The following THSD7B variants were observed in gnomAD, a reference collection of about 807,000 sequenced individuals.
THSD7B encodes thrombospondin type 1 domain containing 7B.
Under a neutral mutation model 213.6 loss-of-function variants are expected in THSD7B, and 138 were observed. The observed-to-expected ratio is 0.65, with a 90% CI of 0.56 to 0.74. The LOEUF is 0.74. Among genes scored for constraint, THSD7B ranks in the 30% least tolerant of loss-of-function variants. The probability of loss-of-function intolerance (pLI) is 0.00; values close to 1 mark genes in which losing one functional copy is unlikely to be tolerated. For missense variants in THSD7B, 1,931 were observed against 1,991.5 expected, an observed-to-expected ratio of 0.97 and a Z score of 0.58; for synonymous variants, 742 against 687.0, an observed-to-expected ratio of 1.08 and a Z score of -1.25.
intron 14 of THSD7B, among the ~76,000 whole-genome samples, chr2:137,412,755 T>C (rs1031858259): frequency 6.6e-6 from 1 of 151,866 alleles, no homozygotes; most frequent in South Asian, 2.1e-4. Flanking sequence ...TGAACCTTAA[T>C]TGGGAGAATT....
At chr2:137,587,469 ATC>A (rs941168625) in intron 17 of THSD7B, among the ~76,000 whole-genome samples, 1 of 152,076 alleles carries the variant, frequency 6.6e-6, no homozygotes, top group African/African-American at 2.4e-5. Context: ...TTGTGGTTTT[ATC>A]TACCTTTGGT....
At chr2:137,405,056 A>G (rs1271220500) in intron 12 of THSD7B, among the ~76,000 whole-genome samples, 1 of 152,092 alleles carries the variant, frequency 6.6e-6, no homozygotes, top group Non-Finnish European at 1.5e-5. Flanking sequence ...TGAATAGACT[A>G]TGCTTGTGCT....
chr2:137,659,756 G>A lies in THSD7B; in HGVS notation c.4458+10G>A. 2 of 1,593,240 alleles carry A rather than the reference G, an allele frequency of 1.3e-6. No individual in the cohort carries two copies. Among genetic ancestry groups the A allele is most frequent in the Non-Finnish European group, 1.7e-6 (2 of 1,169,684 alleles). Reference sequence around the variant, plus strand: ...CTCCTACTGTACACAGGTGAGTCATGTGCTGGAGTCTTCTATAAGTGCATT... The same window carrying A: ...CTCCTACTGTACACAGGTGAGTCATATGCTGGAGTCTTCTATAAGTGCATT... On this transcript the variant is annotated intron_variant, in intron 25 of 27. Transcript: ENST00000409968.
chr2:137,415,494 T>G lies in THSD7B; in HGVS notation c.2959+3622T>G, dbSNP rs1686774257. ...GTCTCTAAGTTCTGTCAGCCCCTAT[T>G]GGCTCTTAATGAGTTCCATCACTGC... On this transcript the variant is annotated intron_variant, in intron 14 of 27. Transcript: ENST00000409968. Among the ~76,000 whole-genome samples the G allele has an allele frequency of 2.6e-5, 4 of 152,142 alleles. No homozygotes were observed. In the South Asian group the frequency reaches 8.3e-4, roughly 32 times the overall value.
intron 2 of THSD7B, among the ~76,000 whole-genome samples, chr2:136,898,528 T>G (rs933624231): frequency 6.6e-6 from 1 of 151,442 alleles, no homozygotes; most frequent in Admixed American, 6.6e-5. Flanking sequence ...TACTCCAACA[T>G]TTACTATCCA....
chr2:137,347,969 C>CAA (rs796129854), intron 12 of THSD7B, among the ~76,000 whole-genome samples: 27 of 140,088 alleles, frequency 1.9e-4, no homozygotes, highest in African/African-American at 3.1e-4. Context: ...GCCTCATTTT[C>CAA]AAAAAAAAAA....
At chr2:137,409,795 AC>A (rs1425833120) in intron 13 of THSD7B, among the ~76,000 whole-genome samples, 1 of 152,200 alleles carries the variant, frequency 6.6e-6, no homozygotes, top group Non-Finnish European at 1.5e-5. Context: ...TTACGATGGA[AC>A]TTGGAAAGAA....
chr2:137,189,597 C>T (rs2375116), intron 7 of THSD7B, among the ~76,000 whole-genome samples: 42,515 of 151,696 alleles, frequency 0.28, 6,767 homozygotes, highest in Non-Finnish European at 0.35. Flanking sequence ...GCTCCATCCA[C>T]AGGTTCCTGT....
At chr2:137,663,632 G>T (rs1369773975) in intron 26 of THSD7B, 57 bp downstream of exon 26, 3 of 1,445,102 alleles carry the variant, frequency 2.1e-6, no homozygotes, top group African/African-American at 2.8e-5. Flanking sequence ...TCTATATTTT[G>T]ACCACTTCTC....
At chr2:137,283,506 G>T (rs1683087585) in intron 12 of THSD7B, among the ~76,000 whole-genome samples, 1 of 152,092 alleles carries the variant, frequency 6.6e-6, no homozygotes, top group South Asian at 2.1e-4. Flanking sequence ...TCCAGTTTTT[G>T]TCCATTCAGT....
At chr2:137,480,847 T>A (rs1441618335) in intron 15 of THSD7B, among the ~76,000 whole-genome samples, 1 of 152,274 alleles carries the variant, frequency 6.6e-6, no homozygotes, top group Non-Finnish European at 1.5e-5. Flanking sequence ...TATAATAATT[T>A]TTCCCAGAAG....
At chr2:137,070,440 T>C (rs1687458601) in intron 3 of THSD7B, among the ~76,000 whole-genome samples, 2 of 151,960 alleles carry the variant, frequency 1.3e-5, no homozygotes, top group Admixed American at 1.3e-4. Flanking sequence ...TTTTCATATT[T>C]TTGGAGGTAT....
At chr2:136,976,708 G>A (rs567031551) in intron 2 of THSD7B, among the ~76,000 whole-genome samples, 6 of 151,140 alleles carry the variant, frequency 4.0e-5, no homozygotes, top group South Asian at 2.1e-4. Flanking sequence ...TGCAAGCTCC[G>A]CCTCCCAGGT....
At chr2:136,937,180 G>A (rs1558859268) in intron 2 of THSD7B, among the ~76,000 whole-genome samples, 1 of 151,926 alleles carries the variant, frequency 6.6e-6, no homozygotes, top group Non-Finnish European at 1.5e-5. Context: ...TCAATTGTGA[G>A]CCTTACTCTT....
chr2:137,111,143 A>G (rs1323246233), intron 4 of THSD7B, among the ~76,000 whole-genome samples: 2 of 152,242 alleles, frequency 1.3e-5, no homozygotes, highest in East Asian at 1.9e-4. Context: ...CAGGGCTCTC[A>G]TTATAAAATG....
chr2:136,905,980 AGCTCTAT>A (rs1252214036), intron 2 of THSD7B, among the ~76,000 whole-genome samples: 3 of 152,216 alleles, frequency 2.0e-5, no homozygotes, highest in African/African-American at 7.2e-5. Flanking sequence ...TTGCCTAGGC[AGCTCTAT>A]GAGTGCAGAC....
At chr2:136,786,011 A>T (rs1219041627) in intron 1 of THSD7B, among the ~76,000 whole-genome samples, 1 of 152,216 alleles carries the variant, frequency 6.6e-6, no homozygotes, top group Non-Finnish European at 1.5e-5. Flanking sequence ...ACACACAAGG[A>T]TCAAATAAAA....
intron 2 of THSD7B, among the ~76,000 whole-genome samples, chr2:136,918,588 T>C (rs920414196): frequency 2.0e-5 from 3 of 152,196 alleles, no homozygotes; most frequent in Admixed American, 1.3e-4. Flanking sequence ...AGTTATAGGC[T>C]CACTGCTAAA....
chr2:137,520,077 C>T (rs1372961252), intron 15 of THSD7B, among the ~76,000 whole-genome samples: 1 of 152,250 alleles, frequency 6.6e-6, no homozygotes, highest in African/African-American at 2.4e-5. Context: ...TTTTATTGTC[C>T]AATGCCCTTA....
Sources: gnomAD v4.1 joint callset for allele counts (sites outside exome capture counted in the v4.1 genomes callset) on GRCh38, gnomAD v4.1.1 for gene constraint, MANE v1.5 for transcripts, NCBI Gene and HGNC (gene_info 2026-07-23, HGNC 2026-07-21) for gene names.